Variants in GALNT18 observed in about 807,000 individuals in gnomAD.
The protein encoded by GALNT18 is polypeptide N-acetylgalactosaminyltransferase 18, also known as GalNAc-transferase 18.
A neutral mutation model predicts 69.5 loss-of-function variants in GALNT18; 44 were observed. That is an observed-to-expected ratio of 0.63 (90% CI 0.50 to 0.81). GALNT18 has a LOEUF of 0.81. GALNT18 is among the 40% of genes least tolerant of loss of function. The pLI is 0.00. For synonymous variants in GALNT18, 364 were observed against 318.2 expected (o/e 1.14, Z -1.53); for missense variants, 715 against 810.0 (o/e 0.88, Z 1.42).
At chr11:11,333,195 C>A (rs1850049847) in intron 7 of GALNT18, among the ~76,000 whole-genome samples, 1 of 151,490 alleles carries the variant, frequency 6.6e-6, no homozygotes, top group Non-Finnish European at 1.5e-5. Context: ...AGATTCTGAG[C>A]TTTAAGGTGA....
In GALNT18 at chr11:11,271,145, C is replaced by T. The variant is rs1445735575; in HGVS notation, c.1823G>A (p.Ter608=). 2 of 1,609,348 alleles carry T rather than the reference C, an allele frequency of 1.2e-6. No homozygotes were observed. Among genetic ancestry groups the T allele is most frequent in the Admixed American group, 3.3e-5 (2 of 59,934 alleles). The change falls in exon 11 of 11, where the codon TGA becomes TAA. Residue 608 remains the stop codon, a stop_retained_variant. Transcript: ENST00000227756. ...ITNVLRSLAS[*] ...GCAGCCGGAAGTGGCCCCGGTGGGT[C>T]AGGACGCGAGGCTCCTCAGGACGTT...
intron 7 of GALNT18, among the ~76,000 whole-genome samples, chr11:11,334,384 T>C (rs886587622): frequency 6.6e-6 from 1 of 151,578 alleles, no homozygotes; most frequent in Non-Finnish European, 1.5e-5. Context: ...CTACTAAAAA[T>C]ACAAAAAAAT....
In GALNT18 at chr11:11,296,517, C is replaced by T. The variant is rs183876560; in HGVS notation, c.1513-3324G>A. 9.6e-4 allele frequency among the ~76,000 whole-genome samples: 146 copies of T among 152,298 alleles called. 2 individuals are homozygous for T. The highest frequency in any genetic ancestry group is 2.5e-4 in the Non-Finnish European group (17 of 68,028). ...ATGTGGGCTGTGAGACAAGGACAGC[C>T]AGGGAGCCAGTCATTCCCATGTTTT... On this transcript the variant is annotated intron_variant, in intron 9 of 10. Transcript: ENST00000227756.
At chr11:11,401,369 C>T (rs931537946) in intron 3 of GALNT18, among the ~76,000 whole-genome samples, 4 of 152,276 alleles carry the variant, frequency 2.6e-5, no homozygotes, top group Non-Finnish European at 4.4e-5. Context: ...TTCACAAGGA[C>T]TTAGGCTATT....
chr11:11,612,908 A>G (rs1257587058), intron 1 of GALNT18, among the ~76,000 whole-genome samples: 1 of 152,210 alleles, frequency 6.6e-6, no homozygotes, highest in African/African-American at 2.4e-5. Context: ...GTGGCAATGG[A>G]AAGTAGCCCA....
In GALNT18 at chr11:11,621,452, G is replaced by A. The variant is rs1860190296; in HGVS notation, c.142C>T (p.Pro48Ser). The change falls in exon 1 of 11, where the codon CCC (proline) becomes TCC (serine). Residue 48 changes from proline to serine, a missense_variant. Pro to Ser is a moderately conservative substitution (Grantham distance 74, BLOSUM62 -1). Transcript: ENST00000227756. The surrounding 1 kb of genome is among the most constrained non-coding windows in gnomAD (Gnocchi z 9.3). ...TTGTCTTCCTCCAGCTTCTTGTCGG[G>A]CGCCGGCTCCTGCCCCCGCACATAC... ...SVYVRGQEPA[P>S]DKKLEEDKGD... The A allele has an allele frequency of 6.2e-7, 1 of 1,614,028 alleles. No homozygotes were observed. Among genetic ancestry groups the A allele is most frequent in the South Asian group, 1.1e-5 (1 of 91,080 alleles).
chr11:11,503,128 G>A (rs1463734062), intron 1 of GALNT18, among the ~76,000 whole-genome samples: 2 of 152,224 alleles, frequency 1.3e-5, no homozygotes, highest in African/African-American at 4.8e-5. Context: ...CCCTGAGGAA[G>A]TAGACGGATT....
chr11:11,324,178 A>C (rs1371500368), intron 9 of GALNT18, among the ~76,000 whole-genome samples: 1 of 146,550 alleles, frequency 6.8e-6, no homozygotes, highest in Non-Finnish European at 1.5e-5. Context: ...ACTGTGAGAA[A>C]ATAAGTTTAT....
intron 1 of GALNT18, among the ~76,000 whole-genome samples, chr11:11,597,340 A>G (rs147178793): frequency 2.0e-5 from 3 of 152,300 alleles, no homozygotes; most frequent in African/African-American, 7.2e-5. Flanking sequence ...TCTATTTTTC[A>G]GAAGAGTTTA....
At position 11,538,827 on chromosome 11, in the gene GALNT18, A is replaced by G. The variant is rs1857842971; in HGVS notation, c.235+82532T>C. On this transcript the variant is annotated intron_variant, in intron 1 of 10. Coordinates refer to ENST00000227756, the MANE Select transcript of GALNT18 (RefSeq NM_198516.3). This position sits in a 1 kb window ranked among gnomAD's most constrained non-coding sequence, Gnocchi z 5.2. ...CTTACTCCTGCTGCTGCCTCCTTTA[A>G]CTTCATGGCTGTGGTTCCCATCTGC... 6.6e-6 allele frequency among the ~76,000 whole-genome samples: 1 copy of G among 151,946 alleles called. No homozygotes were observed. The highest frequency in any genetic ancestry group is 2.4e-5 in the African/African-American group (1 of 41,458).
intron 9 of GALNT18, among the ~76,000 whole-genome samples, chr11:11,300,590 G>C (rs796495336): frequency 2.0e-5 from 3 of 152,318 alleles, no homozygotes; most frequent in African/African-American, 4.8e-5. Context: ...AGGGAGTTAA[G>C]AGTCACACAT....
chr11:11,357,898 C>G (rs1248403236), intron 6 of GALNT18, among the ~76,000 whole-genome samples: 1 of 152,162 alleles, frequency 6.6e-6, no homozygotes, highest in Non-Finnish European at 1.5e-5. Context: ...AATAAATGCA[C>G]TAAATACAAA....
At chr11:11,446,134 T>C (rs1855646046) in intron 2 of GALNT18, among the ~76,000 whole-genome samples, 1 of 152,014 alleles carries the variant, frequency 6.6e-6, no homozygotes, top group Admixed American at 6.6e-5. Context: ...TCTGACTGTG[T>C]GACCTCAGAC....
Position 11,337,961 on chromosome 11 carries a change from ATTTTTTT to A in GALNT18, c.1278+2851_1278+2857del, listed in dbSNP as rs11351706. ...TGTACATAGCAGGAGTCATTTAAAGATTTTTTTTTTTTTTTTTTTTTTGAGACAGTCT... is the reference window on the plus strand; with the variant it reads ...TGTACATAGCAGGAGTCATTTAAAGATTTTTTTTTTTTTTTGAGACAGTCT... On this transcript the variant is annotated intron_variant, in intron 7 of 10. Coordinates refer to ENST00000227756, the MANE Select transcript of GALNT18 (RefSeq NM_198516.3). This position sits in a 1 kb window ranked among gnomAD's most constrained non-coding sequence, Gnocchi z 4.9. Among the ~76,000 whole-genome samples, 2 of 118,810 alleles carry A rather than the reference ATTTTTTT, an allele frequency of 1.7e-5. No individual in the cohort carries two copies. Among genetic ancestry groups the A allele is most frequent in the Middle Eastern group, 4.7e-3 (1 of 214 alleles). The allele number at this position is 118,810 out of a possible 152,430, so 77.9% of individuals were successfully genotyped here.
intron 7 of GALNT18, among the ~76,000 whole-genome samples, chr11:11,334,261 G>A (rs546232229): frequency 6.6e-6 from 1 of 152,112 alleles, no homozygotes; most frequent in Non-Finnish European, 1.5e-5. Flanking sequence ...ACAATTTAGG[G>A]GCCAGGCGCA....
chr11:11,274,982 A>G (rs1056680396), intron 10 of GALNT18, among the ~76,000 whole-genome samples: 7 of 152,222 alleles, frequency 4.6e-5, no homozygotes, highest in African/African-American at 1.7e-4. Context: ...AGTCTTTGCT[A>G]TTGTGAATAC....
intron 10 of GALNT18, 145 bp from the exon 11 acceptor site, chr11:11,271,435 C>T: frequency 1.3e-6 from 1 of 770,474 alleles, no homozygotes; most frequent in Non-Finnish European, 2.1e-6. Flanking sequence ...AAACTGCAGG[C>T]TCCCCTATCA....
At chr11:11,422,043 TC>T (rs1220508700) in intron 3 of GALNT18, among the ~76,000 whole-genome samples, 1 of 150,278 alleles carries the variant, frequency 6.7e-6, no homozygotes, top group East Asian at 2.0e-4. Flanking sequence ...TATATCTATA[TC>T]ATCTATATCT....
chr11:11,572,492 C>T (rs1321454782), intron 1 of GALNT18, among the ~76,000 whole-genome samples: 1 of 152,196 alleles, frequency 6.6e-6, no homozygotes, highest in African/African-American at 2.4e-5. Context: ...AATCCAAAGA[C>T]ACCCAGCTTG....
Sources: gnomAD v4.1 joint callset for allele counts (sites outside exome capture counted in the v4.1 genomes callset) on GRCh38, gnomAD v4.1.1 for gene constraint, Gnocchi (gnomAD v3.1) non-coding constraint, MANE v1.5 for transcripts, NCBI Gene and HGNC (gene_info 2026-07-23, HGNC 2026-07-21) for gene names.